Variants in FRMD8 observed in about 807,000 individuals in gnomAD.
FRMD8 encodes FERM domain containing 8.
In FRMD8, 37 loss-of-function variants were observed where a neutral mutation model predicts 54.2. The ratio of observed to expected loss-of-function variants is 0.68; its 90% confidence interval spans 0.53 to 0.90. FRMD8 has a LOEUF of 0.90. FRMD8 is among the 40% of genes least tolerant of loss of function. The pLI is 0.00. For synonymous variants in FRMD8, 246 were observed against 286.9 expected, an observed-to-expected ratio of 0.86 and a Z score of 1.44; for missense variants, 585 against 653.7, an observed-to-expected ratio of 0.89 and a Z score of 1.15.
intron 10 of FRMD8, among the ~76,000 whole-genome samples, chr11:65,407,999 C>G (rs911526190): frequency 6.6e-6 from 1 of 151,720 alleles, no homozygotes; most frequent in Non-Finnish European, 1.5e-5. Context: ...TTTCTTTGTA[C>G]TTCTTGGAGC....
chr11:65,376,918 TC>T, the FRMD8 span: 7 of 1,613,812 alleles, frequency 4.3e-6, no homozygotes, highest in Non-Finnish European at 5.1e-6. Flanking sequence ...GGGCCCAGGC[TC>T]CTCGGAACAG....
chr11:65,375,425 G>T, the FRMD8 span: 1 of 152,594 alleles, frequency 6.6e-6, no homozygotes, highest in Admixed American at 6.5e-5. Flanking sequence ...TCAAGGAAGG[G>T]TGAGGGGACT....
chr11:65,379,333 C>T, the FRMD8 span: 1 of 1,596,128 alleles, frequency 6.3e-7, no homozygotes. Context: ...TCGAGATGAC[C>T]ATCCCTATGA....
At chr11:65,370,036 A>AAAT in the FRMD8 span, among the ~76,000 whole-genome samples, 1 of 151,244 alleles carries the variant, frequency 6.6e-6, no homozygotes, top group African/African-American at 2.4e-5. Flanking sequence ...TGTCTCCAAA[A>AAAT]AAATAAATAA....
intron 3 of FRMD8, among the ~76,000 whole-genome samples, chr11:65,390,340 C>T (rs752208674): frequency 2.6e-5 from 4 of 152,116 alleles, no homozygotes; most frequent in Non-Finnish European, 4.4e-5. Flanking sequence ...TTTAGTAAAT[C>T]GGTGCCATAG....
chr11:65,376,911 C>T, the FRMD8 span: 1 of 1,613,900 alleles, frequency 6.2e-7, no homozygotes, highest in Non-Finnish European at 8.5e-7. Flanking sequence ...AGCGTCAGGG[C>T]CCAGGCTCCT....
At position 65,404,069 on chromosome 11, in the gene FRMD8, G is replaced by A. The variant is rs116252512; in HGVS notation, c.1072-795G>A. ...CCGAGCAGCGGTGCCCACCTGCCCA[G>A]CCCAGAGGGATTGTAGCTGCCCTGT... On this transcript the variant is annotated intron_variant, in intron 9 of 10. Transcript: ENST00000317568. The surrounding 1 kb of genome is among the most constrained non-coding windows in gnomAD (Gnocchi z 4.7). Among the ~76,000 whole-genome samples, 806 of 152,236 alleles carry A rather than the reference G, an allele frequency of 5.3e-3. 4 individuals carry two copies. Among genetic ancestry groups the A allele is most frequent in the African/African-American group, 0.018 (730 of 41,526 alleles).
chr11:65,410,669 A>C (rs1372202980), intron 10 of FRMD8, among the ~76,000 whole-genome samples: 1 of 152,188 alleles, frequency 6.6e-6, no homozygotes, highest in African/African-American at 2.4e-5. Context: ...GGGCGCCTGT[A>C]GTCCCAGCTT....
At position 65,397,031 on chromosome 11, in the gene FRMD8, C is replaced by A; in HGVS notation, c.803+11C>A. ...GCTGCCGTTTTATGGGTAAGAGCCA[C>A]AGCCCCGCGGTCCCCCACCCCCTCC... On this transcript the variant is annotated intron_variant, in intron 7 of 10. Coordinates refer to ENST00000317568, the MANE Select transcript of FRMD8 (RefSeq NM_031904.5). 1.4e-6 allele frequency: 2 copies of A among 1,408,606 alleles called. No individual in the cohort carries two copies. Among genetic ancestry groups the A allele is most frequent in the East Asian group, 2.8e-5 (1 of 35,390 alleles). The allele number at this position is 1,408,606 out of a possible 1,614,324, so 87.3% of individuals were successfully genotyped here. A position where few individuals can be genotyped will look rare whatever the true frequency, so the allele number is the denominator to read the frequency against.
At chr11:65,371,722 C>T in the FRMD8 span, among the ~76,000 whole-genome samples, 1 of 152,236 alleles carries the variant, frequency 6.6e-6, no homozygotes, top group African/African-American at 2.4e-5. Flanking sequence ...TCGGGTGATT[C>T]TCCTGCCTCA....
intron 1 of FRMD8, 46 bp downstream of exon 1, chr11:65,386,807 G>A: frequency 1.8e-6 from 1 of 547,288 alleles, no homozygotes; most frequent in Non-Finnish European, 3.2e-6. Flanking sequence ...CCCCGGCTGG[G>A]CGTGCGCCTT....
chr11:65,381,928 A>G (rs1397154901), upstream of FRMD8: 1 of 1,614,060 alleles, frequency 6.2e-7, no homozygotes, highest in African/African-American at 1.3e-5. Flanking sequence ...AGATCCAGCC[A>G]GCCACAAATT....
chr11:65,378,472 T>C, the FRMD8 span: 1 of 152,232 alleles, frequency 6.6e-6, no homozygotes, highest in Non-Finnish European at 1.5e-5. Context: ...GCCTGGCCAC[T>C]TAGCTTAGGG....
chr11:65,409,707 A>C (rs921292607), intron 10 of FRMD8, among the ~76,000 whole-genome samples: 19 of 151,570 alleles, frequency 1.3e-4, no homozygotes, highest in Non-Finnish European at 1.9e-4. Flanking sequence ...TTACGGCTTC[A>C]GTGAGTTAGG....
At chr11:65,406,345 C>T (rs1214925497) in intron 10 of FRMD8, among the ~76,000 whole-genome samples, 1 of 151,964 alleles carries the variant, frequency 6.6e-6, no homozygotes, top group Non-Finnish European at 1.5e-5. Context: ...CAGGCGCCCA[C>T]CACCACGCCC....
the FRMD8 span, chr11:65,376,735 C>T: frequency 4.5e-5 from 72 of 1,613,792 alleles, no homozygotes; most frequent in Middle Eastern, 3.3e-4. Flanking sequence ...CTCCCCAGAC[C>T]CTAGTTTCCT....
At chr11:65,405,606 G>A (rs188225723) in intron 10 of FRMD8, among the ~76,000 whole-genome samples, 2 of 152,020 alleles carry the variant, frequency 1.3e-5, no homozygotes, top group African/African-American at 4.8e-5. Context: ...CTGGGAGACA[G>A]AGCAAGACTC....
At chr11:65,391,022 T>TC (rs1204430602) in intron 3 of FRMD8, among the ~76,000 whole-genome samples, 2 of 152,162 alleles carry the variant, frequency 1.3e-5, no homozygotes, top group Non-Finnish European at 2.9e-5. Context: ...AGAACCCTTT[T>TC]CCCCCGGCCC....
chr11:65,393,809 G>C, intron 4 of FRMD8, 135 bp downstream of exon 4: 3 of 834,758 alleles, frequency 3.6e-6, no homozygotes, highest in African/African-American at 1.7e-5. Flanking sequence ...CCCAGGCTCC[G>C]TCAGCCACCC....
Sources: gnomAD v4.1 joint callset for allele counts (sites outside exome capture counted in the v4.1 genomes callset) on GRCh38, gnomAD v4.1.1 for gene constraint, Gnocchi (gnomAD v3.1) non-coding constraint, MANE v1.5 for transcripts, NCBI Gene and HGNC (gene_info 2026-07-23, HGNC 2026-07-21) for gene names.